The following KSR2 variants were observed in gnomAD, a reference collection of about 807,000 sequenced individuals.
KSR2 encodes kinase suppressor of ras 2.
A neutral mutation model predicts 107.8 loss-of-function variants in KSR2; 25 were observed. The ratio of observed to expected loss-of-function variants is 0.23; its 90% CI spans 0.17 to 0.32. KSR2 has a LOEUF of 0.32. Among genes scored for constraint, KSR2 ranks in the 10% least tolerant of loss-of-function variants. The pLI, the probability that KSR2 is intolerant of heterozygous loss-of-function variation, is 1.00. For missense variants in KSR2, 887 were observed against 1,268.9 expected (o/e 0.70, Z 4.57); for synonymous variants, 480 against 507.0 (o/e 0.95, Z 0.71).
At chr12:117,576,905 C>A (rs1051706826) in intron 7 of KSR2, among the ~76,000 whole-genome samples, 1 of 152,162 alleles carries the variant, frequency 6.6e-6, no homozygotes, top group Non-Finnish European at 1.5e-5. Flanking sequence ...ATCCTCCTGC[C>A]TCAGCCTCCC....
At chr12:117,962,147 TAAAA>T (rs36119176) in intron 1 of KSR2, among the ~76,000 whole-genome samples, 4 of 112,454 alleles carry the variant, frequency 3.6e-5, no homozygotes, top group African/African-American at 1.0e-4. Context: ...CCTGTCTCTT[TAAAA>T]AAAAAAAAAA....
intron 2 of KSR2, among the ~76,000 whole-genome samples, chr12:117,856,263 T>C (rs978003497): frequency 2.6e-5 from 4 of 152,160 alleles, no homozygotes; most frequent in African/African-American, 9.7e-5. Flanking sequence ...CAACTTAACG[T>C]GTTGGGCAGG....
chr12:117,920,658 G>A (rs899042628), intron 1 of KSR2, among the ~76,000 whole-genome samples: 1 of 152,096 alleles, frequency 6.6e-6, no homozygotes, highest in Admixed American at 6.5e-5. Flanking sequence ...CAGAAATTGT[G>A]GCTCAGAGAG....
At chr12:117,901,300 C>CT (rs1178701522) in intron 1 of KSR2, among the ~76,000 whole-genome samples, 1 of 151,026 alleles carries the variant, frequency 6.6e-6, no homozygotes, top group South Asian at 2.1e-4. Flanking sequence ...ACTTTTTTTT[C>CT]TTTTTTTCTT....
chr12:117,482,941 T>C (rs1262213496), intron 16 of KSR2, among the ~76,000 whole-genome samples: 1 of 152,212 alleles, frequency 6.6e-6, no homozygotes, highest in Non-Finnish European at 1.5e-5. Flanking sequence ...CACCCAACAT[T>C]GCGTCCTTGC....
intron 3 of KSR2, among the ~76,000 whole-genome samples, chr12:117,801,373 C>T (rs1890827324): frequency 6.6e-6 from 1 of 151,768 alleles, no homozygotes; most frequent in African/African-American, 2.4e-5. Flanking sequence ...AAGTGATCCA[C>T]CCACCTTGGC....
chr12:117,511,389 G>A (rs1235141187), intron 14 of KSR2, among the ~76,000 whole-genome samples: 1 of 152,154 alleles, frequency 6.6e-6, no homozygotes, highest in Non-Finnish European at 1.5e-5. Flanking sequence ...AATTCATCTT[G>A]GGAAGGCATG....
chr12:117,465,724 G>C lies in KSR2; in HGVS notation c.*1475C>G, dbSNP rs1871113693. On this transcript the variant is annotated 3_prime_UTR_variant, in exon 20 of 20. Coordinates refer to ENST00000339824, the MANE Select transcript of KSR2 (RefSeq NM_173598.6). ...GCCCAGGTAGTACCCAGGAAACACAGAGGGGCTGTGGCCGCCCTGGGCTTC... is the reference window on the plus strand; with the variant it reads ...GCCCAGGTAGTACCCAGGAAACACACAGGGGCTGTGGCCGCCCTGGGCTTC... 1 of 133,112 alleles carries C rather than the reference G, an allele frequency of 7.5e-6. No individual in the cohort carries two copies. 8.2% of individuals were successfully genotyped at this position (133,112 alleles called of 1,614,324 possible). A position where few individuals can be genotyped will look rare whatever the true frequency, so the allele number is the denominator to read the frequency against.
intron 4 of KSR2, among the ~76,000 whole-genome samples, chr12:117,745,150 C>T (rs955937714): frequency 5.3e-5 from 8 of 151,568 alleles, no homozygotes; most frequent in African/African-American, 1.9e-4. Context: ...CCTGCCCTAC[C>T]CCTACCCCAA....
chr12:117,670,863 C>T (rs1261778219), intron 4 of KSR2, among the ~76,000 whole-genome samples: 1 of 152,160 alleles, frequency 6.6e-6, no homozygotes, highest in East Asian at 1.9e-4. Flanking sequence ...TTCTCTTCCT[C>T]CTCCACCTGG....
At chr12:117,767,375 T>G (rs141729633) in intron 3 of KSR2, among the ~76,000 whole-genome samples, 2 of 149,846 alleles carry the variant, frequency 1.3e-5, no homozygotes, top group Admixed American at 1.3e-4. Context: ...AGGCGGAGGT[T>G]GCAGTGAGCC....
chr12:117,477,821 C>G (rs1871886868), intron 16 of KSR2, among the ~76,000 whole-genome samples: 1 of 152,252 alleles, frequency 6.6e-6, no homozygotes, highest in Non-Finnish European at 1.5e-5. Flanking sequence ...GTGGTTCCCT[C>G]TTCCGCCATT....
chr12:117,524,183 T>C (rs377456932), intron 14 of KSR2, among the ~76,000 whole-genome samples: 8 of 152,252 alleles, frequency 5.3e-5, no homozygotes, highest in African/African-American at 9.6e-5. Context: ...ATATTTACTA[T>C]TGGGCCCCTT....
intron 3 of KSR2, among the ~76,000 whole-genome samples, chr12:117,831,340 C>G (rs1187759594): frequency 1.3e-5 from 2 of 152,218 alleles, no homozygotes; most frequent in African/African-American, 2.4e-5. Context: ...AATCTCCAAC[C>G]TGGCCCACCT....
chr12:117,533,792 CAG>C (rs2137264178), intron 10 of KSR2, among the ~76,000 whole-genome samples: 1 of 152,278 alleles, frequency 6.6e-6, no homozygotes, highest in East Asian at 1.9e-4. Flanking sequence ...GGAGCTGCTT[CAG>C]AGAGTCCGAG....
intron 3 of KSR2, among the ~76,000 whole-genome samples, chr12:117,771,061 T>C (rs1321647667): frequency 3.3e-5 from 5 of 151,988 alleles, no homozygotes; most frequent in Non-Finnish European, 7.4e-5. Context: ...CGTGGCATCC[T>C]GTGAAATAGA....
intron 4 of KSR2, among the ~76,000 whole-genome samples, chr12:117,718,138 GA>G (rs1887068528): frequency 6.6e-6 from 1 of 152,128 alleles, no homozygotes; most frequent in Non-Finnish European, 1.5e-5. Context: ...TAATGCATTC[GA>G]AAATTACTTT....
intron 1 of KSR2, among the ~76,000 whole-genome samples, chr12:117,961,716 C>T (rs1896662871): frequency 6.6e-6 from 1 of 152,192 alleles, no homozygotes; most frequent in Non-Finnish European, 1.5e-5. Context: ...CAGAACCCTC[C>T]AACCAAGCCC....
chr12:117,526,295 G>T (rs983417520), intron 13 of KSR2, among the ~76,000 whole-genome samples: 1 of 152,084 alleles, frequency 6.6e-6, no homozygotes, highest in Non-Finnish European at 1.5e-5. Flanking sequence ...GGGTGCTTGG[G>T]GGCGAATTGC....
Sources: gnomAD v4.1 joint callset for allele counts (sites outside exome capture counted in the v4.1 genomes callset) on GRCh38, gnomAD v4.1.1 for gene constraint, MANE v1.5 for transcripts, NCBI Gene and HGNC (gene_info 2026-07-23, HGNC 2026-07-21) for gene names.